STK32A: variants seen among roughly 807,000 people sequenced by gnomAD.
STK32A encodes the protein serine/threonine kinase 32A.
In STK32A, 41 loss-of-function variants were observed where a neutral mutation model predicts 53.2. The ratio of observed to expected loss-of-function variants is 0.77; its 90% CI spans 0.60 to 1.00. The LOEUF (loss-of-function observed/expected upper bound fraction) is 1.00. Ranked by LOEUF, STK32A falls within the 50% of genes least tolerant of loss-of-function variation. STK32A has a pLI of 0.00. For synonymous variants in STK32A, 166 were observed against 162.8 expected (o/e 1.02, Z -0.15); for missense variants, 458 against 485.8 (o/e 0.94, Z 0.54).
downstream of STK32A, among the ~76,000 whole-genome samples, chr5:147,388,828 A>T (rs1671542271): frequency 6.6e-6 from 1 of 151,990 alleles, no homozygotes; most frequent in African/African-American, 2.4e-5. Flanking sequence ...TAAGAAGAAA[A>T]CCACTTCATG....
chr5:147,364,286 C>A (rs114567626), intron 8 of STK32A, among the ~76,000 whole-genome samples: 79 of 151,378 alleles, frequency 5.2e-4, no homozygotes, highest in African/African-American at 1.9e-3. Flanking sequence ...TTTCTACCTT[C>A]TGCAAAATAG....
intron 6 of STK32A, 93 bp downstream of exon 6, chr5:147,343,136 A>G: frequency 7.4e-7 from 1 of 1,354,716 alleles, no homozygotes; most frequent in Non-Finnish European, 1.1e-6. Context: ...TGAAAAAGGT[A>G]TTTTGTTCTA....
At chr5:147,297,807 G>A (rs1862876) in intron 4 of STK32A, among the ~76,000 whole-genome samples, 111,999 of 151,754 alleles carry the variant, frequency 0.74, 41,847 homozygotes, top group East Asian at 0.93. Context: ...GTGAAATCCC[G>A]TCTCTACTAA....
chr5:147,333,285 G>A (rs1195723216), intron 5 of STK32A, among the ~76,000 whole-genome samples: 3 of 152,150 alleles, frequency 2.0e-5, no homozygotes, highest in South Asian at 2.1e-4. Flanking sequence ...GGGTTTATCA[G>A]GGCGTAACCC....
intron 4 of STK32A, among the ~76,000 whole-genome samples, chr5:147,308,760 A>G (rs1355508943): frequency 1.3e-5 from 2 of 150,624 alleles, no homozygotes; most frequent in East Asian, 3.9e-4. Context: ...TGAGTACAAT[A>G]TTTTATCAAA....
intron 11 of STK32A, 119 bp downstream of exon 11, chr5:147,375,337 G>C: frequency 3.8e-6 from 5 of 1,320,580 alleles, no homozygotes; most frequent in Non-Finnish European, 3.0e-6. Flanking sequence ...AGTGAAATAG[G>C]AGAAGTAGAT....
At chr5:147,294,689 T>TTTTTTC (rs1371628157) in intron 4 of STK32A, among the ~76,000 whole-genome samples, 1 of 112,186 alleles carries the variant, frequency 8.9e-6, no homozygotes, top group Non-Finnish European at 2.2e-5. Context: ...TTCTTTTTTC[T>TTTTTTC]TTTTTTCTTT....
At chr5:147,366,320 C>G (rs1019114055) in intron 8 of STK32A, among the ~76,000 whole-genome samples, 5 of 152,166 alleles carry the variant, frequency 3.3e-5, no homozygotes, top group African/African-American at 7.2e-5. Context: ...TTAAAAATCA[C>G]TCTGCGTAAG....
rs149967334 is a variant in STK32A at position 147,311,381 on chromosome 5, A to G, written c.261-12517A>G. Among the ~76,000 whole-genome samples, 968 of 152,350 alleles carry G rather than the reference A, an allele frequency of 6.4e-3. 31 individuals carry two copies. The highest frequency in any genetic ancestry group is 0.053 in the Admixed American group (807 of 15,306). On this transcript the variant is annotated intron_variant, in intron 4 of 12. Coordinates refer to ENST00000397936, the MANE Select transcript of STK32A (RefSeq NM_001112724.2). ...ATGAATATACAAAAAATATTTGTAA[A>G]ATGACCATCGAATGAACAAGTGCTC...
At chr5:147,292,428 G>C (rs900401071) in intron 4 of STK32A, among the ~76,000 whole-genome samples, 8 of 152,284 alleles carry the variant, frequency 5.3e-5, no homozygotes, top group African/African-American at 1.4e-4. Flanking sequence ...GAGGAATCAG[G>C]TAGAGAGTAA....
intron 2 of STK32A, among the ~76,000 whole-genome samples, chr5:147,263,342 A>G (rs1754667282): frequency 6.6e-6 from 1 of 152,234 alleles, no homozygotes; most frequent in South Asian, 2.1e-4. Flanking sequence ...CAAGAGCCAC[A>G]TACTCAGAAT....
intron 2 of STK32A, among the ~76,000 whole-genome samples, chr5:147,263,818 G>A (rs1018232479): frequency 1.5e-4 from 23 of 152,118 alleles, no homozygotes; most frequent in African/African-American, 5.6e-4. Context: ...TTAAGAAAAA[G>A]AGTCCAGAAT....
At chr5:147,349,130 A>G (rs565504197) in intron 6 of STK32A, among the ~76,000 whole-genome samples, 2 of 152,376 alleles carry the variant, frequency 1.3e-5, no homozygotes, top group African/African-American at 4.8e-5. Flanking sequence ...AACCTACGCT[A>G]TGATAAAGTT....
In STK32A at chr5:147,361,588, A is replaced by T; in HGVS notation, c.634A>T (p.Thr212Ser). The stretch of plus-strand genomic sequence containing the variant: ...TGTTGACTGGTGGTCCCTGGGAGTG[A>T]CGGCATATGAACTGCTGAGAGGCCG... Reference protein sequence around the residue: ...FAVDWWSLGVTAYELLRGRRP... With the variant: ...FAVDWWSLGVSAYELLRGRRP... The change falls in exon 8 of 13, where the codon ACG (threonine) becomes TCG (serine). Residue 212 changes from threonine (T) to serine (S), a missense_variant. Thr to Ser is a moderately conservative substitution (Grantham distance 58). Coordinates refer to ENST00000397936, the MANE Select transcript of STK32A (RefSeq NM_001112724.2). The T allele has an allele frequency of 6.2e-7, 1 of 1,613,248 alleles. No homozygotes were observed. The highest frequency in any genetic ancestry group is 8.5e-7 in the Non-Finnish European group (1 of 1,179,552).
rs369529449 is a variant in STK32A, at chr5:147,358,683, G to T, written c.563-2834G>T. 3.3e-5 allele frequency among the ~76,000 whole-genome samples: 5 copies of T among 152,172 alleles called. No homozygotes were observed. In the East Asian group the frequency reaches 5.8e-4, roughly 18 times the overall value. On this transcript the variant is annotated intron_variant, in intron 7 of 12. Coordinates refer to ENST00000397936, the MANE Select transcript of STK32A (RefSeq NM_001112724.2). Reference sequence around the variant, plus strand: ...AGACACCAAAGAATACAAGGAATACGATTTGATTTAATAGGATTTAATTTA... The same window carrying T: ...AGACACCAAAGAATACAAGGAATACTATTTGATTTAATAGGATTTAATTTA...
rs1440739323 is a variant in STK32A at position 147,348,899 on chromosome 5, AT to A, written c.473-2164del. 12 of 583,580 alleles carry A rather than the reference AT, an allele frequency of 2.1e-5. No individual in the cohort carries two copies. In the African/African-American group the frequency reaches 2.3e-4, roughly 11 times the overall value. The allele number at this position is 583,580 out of a possible 1,614,324, so 36.2% of individuals were successfully genotyped here. The stretch of plus-strand genomic sequence containing the variant: ...CTAATAACCTCTTGAGAAGACTATG[AT>A]TATCTTTCCAACTTTACAGAGAGGA... On this transcript the variant is annotated intron_variant, in intron 6 of 12. Transcript: ENST00000397936.
At chr5:147,244,830 A>G (rs2151939687) in intron 2 of STK32A, among the ~76,000 whole-genome samples, 1 of 152,372 alleles carries the variant, frequency 6.6e-6, no homozygotes, top group South Asian at 2.1e-4. Context: ...GATTGAATAA[A>G]TAATGCAAGT....
intron 2 of STK32A, among the ~76,000 whole-genome samples, chr5:147,268,623 CTG>C (rs1256589918): frequency 6.6e-6 from 1 of 152,122 alleles, no homozygotes; most frequent in African/African-American, 2.4e-5. Context: ...GTTGGATGTG[CTG>C]ATCTTTTTTC....
chr5:147,261,887 C>G (rs1193447708), intron 2 of STK32A, among the ~76,000 whole-genome samples: 1 of 138,052 alleles, frequency 7.2e-6, no homozygotes, highest in African/African-American at 2.8e-5. Flanking sequence ...GCTATCCCCC[C>G]CAAGCTAAGA....
Sources: gnomAD v4.1 joint callset for allele counts (sites outside exome capture counted in the v4.1 genomes callset) on GRCh38, gnomAD v4.1.1 for gene constraint, MANE v1.5 for transcripts, NCBI Gene and HGNC (gene_info 2026-07-23, HGNC 2026-07-21) for gene names.